The following FYB1 variants were observed in gnomAD, a reference collection of about 807,000 sequenced individuals.
FYB1 encodes the protein FYN-binding protein 1.
Under a neutral mutation model 94.1 loss-of-function variants are expected in FYB1, and 41 were observed. The ratio of observed to expected loss-of-function variants is 0.44; its 90% CI spans 0.34 to 0.57. FYB1 has a LOEUF of 0.57. Ranked by LOEUF, FYB1 falls within the 20% of genes least tolerant of loss-of-function variation. FYB1 has a pLI of 0.02. For missense variants in FYB1, 1,050 were observed against 976.8 expected (o/e 1.07, Z -1.00); for synonymous variants, 367 against 353.2 (o/e 1.04, Z -0.44).
chr5:39,182,468 A>G (rs1746351076), intron 2 of FYB1, among the ~76,000 whole-genome samples: 1 of 152,140 alleles, frequency 6.6e-6, no homozygotes, highest in Admixed American at 6.6e-5. Flanking sequence ...CCTGAGGTCT[A>G]CCTTTGGTTA....
At chr5:39,224,397 T>G (rs1178798965), upstream of FYB1, among the ~76,000 whole-genome samples, 1 of 152,006 alleles carries the variant, frequency 6.6e-6, no homozygotes, top group African/African-American at 2.4e-5. Flanking sequence ...ACCCAGGGAG[T>G]GGCCTCCCAA....
chr5:39,202,026 C>G lies in FYB1; in HGVS notation c.935G>C (p.Arg312Thr), dbSNP rs751971634. 1 of 1,614,028 alleles carries G rather than the reference C, an allele frequency of 6.2e-7. No homozygotes were observed. Among genetic ancestry groups the G allele is most frequent in the Non-Finnish European group, 8.5e-7 (1 of 1,179,892 alleles). The change falls in exon 2 of 19, where the codon AGG becomes ACG. Residue 312 changes from arginine to threonine, a missense_variant. Transcript: ENST00000512982. Reference protein sequence around the residue: ...EELASGTPPARFPKAPSKLTV... With the variant: ...EELASGTPPATFPKAPSKLTV... ...CAGCTTAGAAGGGGCCTTAGGGAAC[C>G]TGGCAGGAGGAGTCCCTGAGGCCAA...
intron 1 of FYB1, among the ~76,000 whole-genome samples, chr5:39,218,032 C>A (rs1364181300): frequency 6.6e-6 from 1 of 152,200 alleles, no homozygotes; most frequent in Non-Finnish European, 1.5e-5. Context: ...CAGAAATCAG[C>A]TGCTGCGAGC....
intron 9 of FYB1, 74 bp from the exon 10 acceptor site, chr5:39,130,686 G>C (rs990245031): frequency 9.8e-6 from 11 of 1,125,352 alleles, no homozygotes; most frequent in Non-Finnish European, 1.2e-5. Context: ...TACATATCCT[G>C]ATTAGTTATT....
intron 7 of FYB1, among the ~76,000 whole-genome samples, chr5:39,137,032 G>C (rs1418615744): frequency 6.6e-6 from 1 of 152,164 alleles, no homozygotes; most frequent in African/African-American, 2.4e-5. Context: ...ACAATTACCA[G>C]AGATCAGAGA....
intron 16 of FYB1, 59 bp from the exon 17 acceptor site, chr5:39,110,448 C>CT (rs1303492392): frequency 1.2e-5 from 13 of 1,115,878 alleles, no homozygotes; most frequent in South Asian, 8.6e-5. Flanking sequence ...ATCTTTAGTA[C>CT]TTTTTTCAGG....
At position 39,134,285 on chromosome 5, in the gene FYB1, A is replaced by T. The variant is rs768421172; in HGVS notation, c.1740T>A (p.Ser580=). Reference sequence around the variant, plus strand: ...CAATAGGTCTTGAAGGGGCACCAAGAGAGTCTTTTTTCAGTTTCAAAGAAT... The same window carrying T: ...CAATAGGTCTTGAAGGGGCACCAAGTGAGTCTTTTTTCAGTTTCAAAGAAT... ...DYDSLKLKKD[S]LGAPSRPIED... is the part of the protein sequence containing the mutation. The change falls in exon 9 of 19, where the codon TCT becomes TCA. Residue 580 remains serine, a synonymous_variant. Coordinates refer to ENST00000512982, the MANE Select transcript of FYB1 (RefSeq NM_001465.6). 81 of 1,611,482 alleles carry T rather than the reference A, an allele frequency of 5.0e-5. No homozygotes were observed. The highest frequency in any genetic ancestry group is 6.5e-5 in the Non-Finnish European group (76 of 1,177,894).
At chr5:39,178,891 C>T (rs1268197382) in intron 2 of FYB1, among the ~76,000 whole-genome samples, 6 of 152,078 alleles carry the variant, frequency 3.9e-5, no homozygotes, top group African/African-American at 1.4e-4. Flanking sequence ...TGTTAGGAAA[C>T]GTATCATCTT....
intron 2 of FYB1, among the ~76,000 whole-genome samples, chr5:39,184,711 T>TA (rs539588538): frequency 5.5e-4 from 84 of 152,134 alleles, no homozygotes; most frequent in Middle Eastern, 3.4e-3. Flanking sequence ...TAGTGTTACT[T>TA]AAAAAAAATC....
chr5:39,133,695 C>T (rs186607937), intron 9 of FYB1, among the ~76,000 whole-genome samples: 34 of 151,780 alleles, frequency 2.2e-4, no homozygotes, highest in Admixed American at 1.9e-3. Context: ...TGGAATGGGC[C>T]GTGGAAAGTT....
At chr5:39,216,260 G>A (rs1561280991) in intron 1 of FYB1, among the ~76,000 whole-genome samples, 1 of 152,074 alleles carries the variant, frequency 6.6e-6, no homozygotes, top group South Asian at 2.1e-4. Flanking sequence ...CTTTTTTCGT[G>A]TGTGTGTATA....
At chr5:39,247,071 C>CATATATATGTAT (rs1491316200) in intron 1 of FYB1, among the ~76,000 whole-genome samples, 18 of 65,620 alleles carry the variant, frequency 2.7e-4, no homozygotes, top group South Asian at 1.8e-3. Flanking sequence ...AATGCGTGTT[C>CATATATATGTAT]ATATATATAT....
chr5:39,192,561 C>T (rs1747455946), intron 2 of FYB1, among the ~76,000 whole-genome samples: 1 of 152,072 alleles, frequency 6.6e-6, no homozygotes. Context: ...TCAGTTTTAT[C>T]CTCTTGATTG....
chr5:39,157,742 T>C (rs1743887173), intron 2 of FYB1, among the ~76,000 whole-genome samples: 1 of 152,160 alleles, frequency 6.6e-6, no homozygotes, highest in African/African-American at 2.4e-5. Flanking sequence ...TGGGTATCTG[T>C]GATTTGAAAG....
At chr5:39,259,206 A>G (rs1288908276) in intron 1 of FYB1, among the ~76,000 whole-genome samples, 1 of 152,240 alleles carries the variant, frequency 6.6e-6, no homozygotes, top group African/African-American at 2.4e-5. Flanking sequence ...AATGCACAAA[A>G]GTGCTGAAGT....
At chr5:39,179,555 T>C (rs75151460) in intron 2 of FYB1, among the ~76,000 whole-genome samples, 16,924 of 150,740 alleles carry the variant, frequency 0.11, 1,764 homozygotes, top group East Asian at 0.42. Context: ...TTTCTTTTTT[T>C]TTTTTTTTGA....
At chr5:39,187,430 AT>A (rs1746931855) in intron 2 of FYB1, among the ~76,000 whole-genome samples, 1 of 152,338 alleles carries the variant, frequency 6.6e-6, no homozygotes, top group Non-Finnish European at 1.5e-5. Flanking sequence ...GTATAAGCCT[AT>A]TTTGAAGACT....
intron 1 of FYB1, among the ~76,000 whole-genome samples, chr5:39,255,288 C>A (rs777714179): frequency 6.6e-6 from 1 of 152,090 alleles, no homozygotes; most frequent in Non-Finnish European, 1.5e-5. Context: ...TTCCCTTCCA[C>A]GCTTTTTAAA....
intron 1 of FYB1, among the ~76,000 whole-genome samples, chr5:39,230,342 G>C (rs534981641): frequency 6.6e-6 from 1 of 152,110 alleles, no homozygotes; most frequent in East Asian, 1.9e-4. Flanking sequence ...CATGAGCCGA[G>C]GAATGCAGGC....
Sources: allele counts gnomAD v4.1 joint callset (sites outside exome capture counted in the v4.1 genomes callset), GRCh38; gene constraint gnomAD v4.1.1; transcripts MANE v1.5; gene names NCBI Gene and HGNC (gene_info 2026-07-23, HGNC 2026-07-21).